Variants in REV3L observed in about 807,000 individuals in gnomAD.
REV3L encodes REV3 like, DNA directed polymerase zeta catalytic subunit, also known as DNA polymerase zeta catalytic subunit.
In REV3L, 69 loss-of-function variants were observed where a neutral mutation model predicts 299.4. That is an observed-to-expected ratio of 0.23 (90% CI 0.19 to 0.28). REV3L has a LOEUF of 0.28. Among genes scored for constraint, REV3L ranks in the 10% least tolerant of loss-of-function variants. The pLI, the probability that REV3L is intolerant of heterozygous loss-of-function variation, is 1.00. For missense variants in REV3L, 3,128 were observed against 3,693.8 expected (o/e 0.85, Z 3.97); for synonymous variants, 1,238 against 1,271.4 (o/e 0.97, Z 0.56).
At chr6:111,302,442 C>T (rs73532771) in intron 31 of REV3L, among the ~76,000 whole-genome samples, 1 of 152,306 alleles carries the variant, frequency 6.6e-6, no homozygotes, top group African/African-American at 2.4e-5. Flanking sequence ...TTTCAAGATC[C>T]TTTACTGGTT....
intron 1 of REV3L, among the ~76,000 whole-genome samples, chr6:111,449,861 G>C (rs1260696858): frequency 6.7e-6 from 1 of 149,216 alleles, no homozygotes; most frequent in African/African-American, 2.4e-5. Context: ...CCCATTATGA[G>C]GAAAAAAATG....
At chr6:111,365,594 G>A (rs1779104445) in intron 14 of REV3L, among the ~76,000 whole-genome samples, 1 of 152,004 alleles carries the variant, frequency 6.6e-6, no homozygotes, top group Admixed American at 6.6e-5. Context: ...TTAACCTAGA[G>A]AACTGTTTAA....
In REV3L at chr6:111,483,067, GCCT is replaced by G. The variant is rs1233054951; in HGVS notation, c.-182_-180del. The G allele has an allele frequency of 7.1e-6, 5 of 707,164 alleles. No individual in the cohort carries two copies. The highest frequency in any genetic ancestry group is 6.0e-5 in the South Asian group (2 of 33,088). The allele number at this position is 707,164 out of a possible 1,614,324, so 43.8% of individuals were successfully genotyped here. A position where few individuals can be genotyped will look rare whatever the true frequency, so the allele number is the denominator to read the frequency against. ...GGGCGGTGTAGGCGCTGCTGCCGCCGCCTCCTCAGGAGCACCCGGCAAGGGGCC... is the reference window on the plus strand; with the variant it reads ...GGGCGGTGTAGGCGCTGCTGCCGCCGCCTCAGGAGCACCCGGCAAGGGGCC... On this transcript the variant is annotated 5_prime_UTR_variant, in exon 1 of 32. Coordinates refer to ENST00000368802, the MANE Select transcript of REV3L (RefSeq NM_001372078.1).
rs145957765 is a variant in REV3L, at chr6:111,322,673, G to A, written c.8247C>T (p.Gly2749=). The part of the protein sequence containing the change: ...FSGRMPCIEV[G]DSIVHKARET... ...CTCTGGCTTTGTGAACAATACTATC[G>A]CCAACCTGTTGGTACAAACACATTG... Residue 2749 remains glycine, a synonymous_variant, in exon 26 of 32, where the codon GGC becomes GGT. Transcript: ENST00000368802. The A allele has an allele frequency of 1.3e-5, 21 of 1,612,920 alleles. No individual in the cohort carries two copies. The highest frequency in any genetic ancestry group is 3.3e-5 in the Admixed American group (2 of 59,968).
At position 111,311,086 on chromosome 6, in the gene REV3L, T is replaced by C. The variant is rs1439650391; in HGVS notation, c.8778A>G (p.Pro2926=). The C allele has an allele frequency of 2.5e-6, 4 of 1,613,382 alleles. No individual in the cohort carries two copies. The highest frequency in any genetic ancestry group is 3.3e-5 in the Admixed American group (2 of 59,868). The change falls in exon 29 of 32, where the codon CCA becomes CCG. Residue 2926 remains proline, a synonymous_variant. Transcript: ENST00000368802. ...SFSYKPGACV[P]ALELTRKMLT... ...ATCATTACCTTGTAAGTTCAAGGGC[T>C]GGCACACAAGCTCCTGGTTTATAAG...
At chr6:111,381,082 C>T (rs1003502994) in intron 10 of REV3L, among the ~76,000 whole-genome samples, 5 of 152,140 alleles carry the variant, frequency 3.3e-5, no homozygotes, top group African/African-American at 7.2e-5. Flanking sequence ...TTAAGTAATA[C>T]GGTTTTCCGT....
chr6:111,364,098 TATC>T (rs1049349784), intron 15 of REV3L, 120 bp from the exon 16 acceptor site: 156 of 1,311,918 alleles, frequency 1.2e-4, no homozygotes, highest in Non-Finnish European at 1.2e-4. Context: ...GGTAAACTAA[TATC>T]ATCTCTAAGT....
intron 4 of REV3L, among the ~76,000 whole-genome samples, chr6:111,399,833 G>T (rs1348407167): frequency 1.3e-5 from 2 of 152,134 alleles, no homozygotes; most frequent in African/African-American, 4.8e-5. Context: ...TTTGATGAAT[G>T]AATAGTCATG....
intron 13 of REV3L, among the ~76,000 whole-genome samples, chr6:111,369,872 G>A (rs1381210022): frequency 6.7e-6 from 1 of 148,716 alleles, no homozygotes; most frequent in Non-Finnish European, 1.5e-5. Context: ...CAGTCTTGCT[G>A]TGTCACCAGG....
intron 21 of REV3L, among the ~76,000 whole-genome samples, chr6:111,336,565 T>C (rs1365498885): frequency 6.6e-6 from 1 of 152,152 alleles, no homozygotes; most frequent in African/African-American, 2.4e-5. Flanking sequence ...CCTCATATAC[T>C]GCTGGTGGGA....
At chr6:111,327,931 A>C (rs1039273995) in intron 25 of REV3L, among the ~76,000 whole-genome samples, 35 of 152,116 alleles carry the variant, frequency 2.3e-4, no homozygotes, top group Non-Finnish European at 4.1e-4. Flanking sequence ...CTGTGTGAAG[A>C]CTTTATGCTT....
rs569639347 is a variant in REV3L, at chr6:111,381,741, A to G, written c.1097-297T>C. ...TAAAAATCACTGCATATTCAAATAT[A>G]TAAAGTGAAAAGGAAAGATAAACTA... On this transcript the variant is annotated intron_variant, in intron 9 of 31. Coordinates refer to ENST00000368802, the MANE Select transcript of REV3L (RefSeq NM_001372078.1). 2.0e-5 allele frequency among the ~76,000 whole-genome samples: 3 copies of G among 152,342 alleles called. No homozygotes were observed. The East Asian group carries it at 5.8e-4, about 29-fold the overall frequency.
chr6:111,328,434 T>C (rs768763077), intron 25 of REV3L, among the ~76,000 whole-genome samples: 1 of 152,192 alleles, frequency 6.6e-6, no homozygotes, highest in Non-Finnish European at 1.5e-5. Context: ...AACATAACTA[T>C]AATCAGATCT....
At chr6:111,379,148 CTAT>C (rs957414913) in intron 11 of REV3L, among the ~76,000 whole-genome samples, 1 of 152,114 alleles carries the variant, frequency 6.6e-6, no homozygotes, top group Non-Finnish European at 1.5e-5. Flanking sequence ...TTGACTATGC[CTAT>C]TATTACAGCA....
intron 1 of REV3L, chr6:111,472,237 T>C: frequency 3.4e-6 from 2 of 594,654 alleles, no homozygotes; most frequent in South Asian, 2.8e-5. Context: ...CAACATGTAT[T>C]CTTATTTACA....
At chr6:111,362,650 A>C (rs1778810904) in intron 16 of REV3L, among the ~76,000 whole-genome samples, 2 of 152,300 alleles carry the variant, frequency 1.3e-5, no homozygotes, top group South Asian at 4.1e-4. Context: ...AAAATTACTA[A>C]CAAAATATTT....
intron 1 of REV3L, among the ~76,000 whole-genome samples, chr6:111,437,016 A>G (rs1035743548): frequency 7.2e-5 from 11 of 152,216 alleles, no homozygotes; most frequent in African/African-American, 2.7e-4. Context: ...AAGATTCTCA[A>G]CATCAGCAGC....
At chr6:111,303,055 A>T (rs942859914) in intron 31 of REV3L, among the ~76,000 whole-genome samples, 2 of 152,082 alleles carry the variant, frequency 1.3e-5, no homozygotes, top group Non-Finnish European at 1.5e-5. Context: ...TTACAAGTGG[A>T]AGGATCACTT....
chr6:111,376,340 T>G lies in REV3L; in HGVS notation c.2015A>C (p.Gln672Pro). ...GTTTGTATATTTTCTACTTGGTACT[T>G]GTCTTGTAACAGATGGAATATCTTC... The part of the protein sequence containing the change: ...YEEDIPSVTR[Q>P]VPSRKYTNIR... Residue 672 changes from glutamine to proline, a missense_variant, in exon 13 of 32, where the codon CAA becomes CCA. Coordinates refer to ENST00000368802, the MANE Select transcript of REV3L (RefSeq NM_001372078.1). 6.2e-7 allele frequency: 1 copy of G among 1,612,950 alleles called. No individual in the cohort carries two copies. Among genetic ancestry groups the G allele is most frequent in the Non-Finnish European group, 8.5e-7 (1 of 1,179,598 alleles).
Sources: gnomAD v4.1 joint callset for allele counts (sites outside exome capture counted in the v4.1 genomes callset) on GRCh38, gnomAD v4.1.1 for gene constraint, MANE v1.5 for transcripts, NCBI Gene and HGNC (gene_info 2026-07-23, HGNC 2026-07-21) for gene names.